The following RBM18 variants were observed in gnomAD, a reference collection of about 807,000 sequenced individuals.
RBM18 encodes the protein RNA binding motif protein 18, also known as probable RNA-binding protein 18.
Under a neutral mutation model 26.4 loss-of-function variants are expected in RBM18, and 18 were observed. The ratio of observed to expected loss-of-function variants is 0.68; its 90% CI spans 0.47 to 1.01. RBM18 has a LOEUF of 1.01. RBM18 is among the 50% of genes least tolerant of loss of function. RBM18 has a pLI of 0.00. For missense variants in RBM18, 180 were observed against 219.2 expected (o/e 0.82, Z 1.13); for synonymous variants, 74 against 81.1 (o/e 0.91, Z 0.47).
Position 122,247,370 on chromosome 9 carries a change from C to A in RBM18, c.327+148G>T, listed in dbSNP as rs1351255985. 9.3e-5 allele frequency: 61 copies of A among 659,368 alleles called. No individual in the cohort carries two copies. The East Asian group carries it at 1.6e-3, about 17-fold the overall frequency. The allele number at this position is 659,368 out of a possible 1,614,324, so 40.8% of individuals were successfully genotyped here. A position where few individuals can be genotyped will look rare whatever the true frequency, so the allele number is the denominator to read the frequency against. ...AGATGTTTTCAAAAGAAAAATCGGG[C>A]AACACACATGGTAGATACAAGTAGG... On this transcript the variant is annotated intron_variant, in intron 4 of 5. Coordinates refer to ENST00000417201, the MANE Select transcript of RBM18 (RefSeq NM_033117.4).
At chr9:122,254,879 G>A (rs1412260755) in intron 2 of RBM18, among the ~76,000 whole-genome samples, 1 of 151,918 alleles carries the variant, frequency 6.6e-6, no homozygotes, top group Admixed American at 6.6e-5. Context: ...AAGACCAATG[G>A]TACAAGGAAG....
At chr9:122,258,281 CTTTT>C (rs948797838) in intron 2 of RBM18, among the ~76,000 whole-genome samples, 3 of 151,878 alleles carry the variant, frequency 2.0e-5, no homozygotes, top group Admixed American at 6.6e-5. Context: ...TTCTTTCTTT[CTTTT>C]TGAGACAGAT....
In RBM18 at chr9:122,251,954, G is replaced by A; in HGVS notation, c.133C>T (p.Leu45Phe). The A allele has an allele frequency of 1.9e-6, 3 of 1,614,152 alleles. No homozygotes were observed. The change falls in exon 3 of 6, where the codon CTC becomes TTC. Residue 45 changes from leucine to phenylalanine, a missense_variant. Physicochemically the swap from Leu to Phe is conservative, Grantham distance 22. Around this residue, in one of 3 missense-constraint regions of RBM18, gnomAD observed 49 missense variants for 56.6 expected, o/e 0.87. Transcript: ENST00000417201. ...KITEYHLLKL[L>F]QKFGKVKQFD... ...TGCTTTACCTTGCCAAACTTCTGGA[G>A]GAGCTTGAGGAGGTGGTATCTGTGG...
chr9:122,250,068 T>TAAAAA (rs59558933), intron 3 of RBM18, among the ~76,000 whole-genome samples: 6 of 107,164 alleles, frequency 5.6e-5, no homozygotes, highest in Non-Finnish European at 7.2e-5. Flanking sequence ...AGACCTTATT[T>TAAAAA]AAAAAAAAAA....
chr9:122,248,918 C>T (rs10818659), intron 3 of RBM18, among the ~76,000 whole-genome samples: 71,249 of 152,052 alleles, frequency 0.47, 17,598 homozygotes, highest in East Asian at 0.83. Flanking sequence ...CAAATATTTA[C>T]TGAGTTCTCA....
intron 3 of RBM18, among the ~76,000 whole-genome samples, chr9:122,247,822 C>T (rs1200365729): frequency 4.0e-5 from 5 of 124,636 alleles, no homozygotes; most frequent in Non-Finnish European, 6.4e-5. Context: ...CTTGCTCTGT[C>T]GCCAGGCTCT....
In RBM18 at chr9:122,252,353, C is replaced by T. The variant is rs1245168702; in HGVS notation, c.114-380G>A. Among the ~76,000 whole-genome samples the T allele has an allele frequency of 2.0e-5, 3 of 152,184 alleles. No individual in the cohort carries two copies. The East Asian group carries it at 5.8e-4, about 29-fold the overall frequency. On this transcript the variant is annotated intron_variant, in intron 2 of 5. Transcript: ENST00000417201. ...TGGCATTTGTGAATAACTATAACTC[C>T]ATCAGAAACACACACCCATTCTCCA... is the stretch of plus-strand genomic sequence containing the variant.
intron 3 of RBM18, among the ~76,000 whole-genome samples, chr9:122,249,751 T>C (rs1201157159): frequency 6.6e-6 from 1 of 151,562 alleles, no homozygotes; most frequent in Non-Finnish European, 1.5e-5. Flanking sequence ...CCACACTTCA[T>C]TTTATCATTA....
chr9:122,251,502 C>T (rs1208841489), intron 3 of RBM18, among the ~76,000 whole-genome samples: 1 of 152,146 alleles, frequency 6.6e-6, no homozygotes, highest in Admixed American at 6.5e-5. Context: ...GACAAAACTA[C>T]TGAAAGAAAA....
intron 3 of RBM18, among the ~76,000 whole-genome samples, chr9:122,248,095 A>AT (rs945103864): frequency 2.6e-5 from 4 of 152,126 alleles, no homozygotes; most frequent in African/African-American, 9.7e-5. Context: ...AAGGGCGTGA[A>AT]TTTTTTAAAG....
intron 1 of RBM18, among the ~76,000 whole-genome samples, chr9:122,263,831 G>T (rs1831886405): frequency 6.6e-6 from 1 of 152,168 alleles, no homozygotes; most frequent in Admixed American, 6.5e-5. Flanking sequence ...TGGTAAGAGT[G>T]CAGGCTATGC....
rs548137223 is a variant in RBM18, at chr9:122,237,672, C to T, written c.*4212G>A. 19 of 152,296 alleles carry T rather than the reference C, an allele frequency of 1.2e-4. No homozygotes were observed. The highest frequency in any genetic ancestry group is 4.1e-4 in the African/African-American group (17 of 41,560). The allele number at this position is 152,296 out of a possible 1,614,324, so 9.4% of individuals were successfully genotyped here. A position where few individuals can be genotyped will look rare whatever the true frequency, so the allele number is the denominator to read the frequency against. On this transcript the variant is annotated 3_prime_UTR_variant, in exon 6 of 6. Coordinates refer to ENST00000417201, the MANE Select transcript of RBM18 (RefSeq NM_033117.4). The stretch of plus-strand genomic sequence containing the variant: ...GTTGCTTTTATTCTCTGCATTAATA[C>T]GAGAATTTTAGAAAACACATTTCCA...
chr9:122,245,388 C>T (rs763356977), intron 4 of RBM18, 47 bp from the exon 5 acceptor site: 167 of 1,216,384 alleles, frequency 1.4e-4, no homozygotes, highest in Non-Finnish European at 1.7e-4. Context: ...CAGAAACCAG[C>T]CCTTTACTGT....
At chr9:122,261,319 A>G (rs1469067219) in intron 2 of RBM18, 61 bp downstream of exon 2, 12 of 1,174,156 alleles carry the variant, frequency 1.0e-5, no homozygotes, top group African/African-American at 4.5e-5. Flanking sequence ...ATTCTTCTTG[A>G]CATCATCACC....
intron 2 of RBM18, among the ~76,000 whole-genome samples, chr9:122,253,607 G>A (rs1454351182): frequency 6.6e-6 from 1 of 151,976 alleles, no homozygotes; most frequent in South Asian, 2.1e-4. Context: ...AAAGATGGGC[G>A]AGAAGAGTCT....
At chr9:122,259,484 G>GGTCC (rs1248636144) in intron 2 of RBM18, among the ~76,000 whole-genome samples, 1 of 152,038 alleles carries the variant, frequency 6.6e-6, no homozygotes, top group Non-Finnish European at 1.5e-5. Context: ...TCCACTCTAG[G>GGTCC]GTCCCTGTGA....
intron 3 of RBM18, among the ~76,000 whole-genome samples, chr9:122,250,996 T>C (rs1018972839): frequency 6.6e-6 from 1 of 151,942 alleles, no homozygotes; most frequent in Admixed American, 6.6e-5. Context: ...TGATCATAGC[T>C]TGCTGCAGCC....
rs182006605 is a variant in RBM18, at chr9:122,259,764, G to A, written c.113+1616C>T. Among the ~76,000 whole-genome samples the A allele has an allele frequency of 2.6e-4, 40 of 152,164 alleles. No homozygotes were observed. The East Asian group carries it at 7.6e-3, about 29-fold the overall frequency. ...GCTGGAGTGCAGTGGCACAATCTCC[G>A]TGCACTGCAACCTCCGCCTCCCAGG... On this transcript the variant is annotated intron_variant, in intron 2 of 5. Coordinates refer to ENST00000417201, the MANE Select transcript of RBM18 (RefSeq NM_033117.4).
At chr9:122,263,873 T>A (rs1019122647) in intron 1 of RBM18, among the ~76,000 whole-genome samples, 2 of 152,226 alleles carry the variant, frequency 1.3e-5, no homozygotes, top group Admixed American at 1.3e-4. Context: ...CTTTTGCACC[T>A]AGTAACTGCA....
Sources: gnomAD v4.1 joint callset for allele counts (sites outside exome capture counted in the v4.1 genomes callset) on GRCh38, gnomAD v4.1.1 for gene constraint, gnomAD v4.1.1 regional missense constraint, MANE v1.5 for transcripts, NCBI Gene and HGNC (gene_info 2026-07-23, HGNC 2026-07-21) for gene names.